The following ZNF277 variants were observed in gnomAD, a reference collection of about 807,000 sequenced individuals.
The protein encoded by ZNF277 is zinc finger protein 277.
Under a neutral mutation model 60.7 loss-of-function variants are expected in ZNF277, and 55 were observed. That is an observed-to-expected ratio of 0.91 (90% CI 0.73 to 1.13). ZNF277 has a LOEUF of 1.13. ZNF277 is among the 50% of genes most tolerant of loss of function. The pLI, the probability that ZNF277 is intolerant of heterozygous loss-of-function variation, is 0.00. For synonymous variants in ZNF277, 178 were observed against 179.3 expected, an observed-to-expected ratio of 0.99 and a Z score of 0.06; for missense variants, 510 against 523.0, an observed-to-expected ratio of 0.98 and a Z score of 0.24.
intron 4 of ZNF277, among the ~76,000 whole-genome samples, chr7:112,314,745 G>A (rs553926165): frequency 7.9e-5 from 12 of 152,196 alleles, no homozygotes; most frequent in African/African-American, 2.6e-4. Context: ...GCAGTGATCC[G>A]TGATCATGCC....
chr7:112,295,905 G>GC lies in ZNF277; in HGVS notation c.333dup (p.Ile112HisfsTer6). ...ATTGGAGGAAAAGGTTCACTGAACAGCCCATCACAGATTTTTGTAGTGTAA... is the reference window on the plus strand; with the variant it reads ...ATTGGAGGAAAAGGTTCACTGAACAGCCCCATCACAGATTTTTGTAGTGTAA... On this transcript the variant is annotated frameshift_variant, in exon 3 of 12. Transcript: ENST00000361822. LOFTEE classifies it high-confidence loss of function. The GC allele has an allele frequency of 6.2e-7, 1 of 1,612,980 alleles. No individual in the cohort carries two copies. Among genetic ancestry groups the GC allele is most frequent in the South Asian group, 1.1e-5 (1 of 91,036 alleles).
chr7:112,332,418 T>A (rs926392483), intron 7 of ZNF277, among the ~76,000 whole-genome samples: 7 of 152,336 alleles, frequency 4.6e-5, no homozygotes, highest in African/African-American at 1.7e-4. Context: ...ACTTATCCTG[T>A]GCATCAGTTT....
intron 9 of ZNF277, 82 bp from the exon 10 acceptor site, chr7:112,339,761 T>C: frequency 5.1e-6 from 7 of 1,370,260 alleles, no homozygotes; most frequent in Non-Finnish European, 7.2e-6. Flanking sequence ...CTACTCAAAC[T>C]CCTGTGAATA....
chr7:112,317,963 A>G (rs1340881700), intron 4 of ZNF277, among the ~76,000 whole-genome samples: 26 of 152,120 alleles, frequency 1.7e-4, no homozygotes. Context: ...TGTTGATTTT[A>G]ATTCCCACAT....
intron 1 of ZNF277, among the ~76,000 whole-genome samples, chr7:112,259,503 G>C (rs756886539): frequency 1.3e-5 from 2 of 152,140 alleles, no homozygotes; most frequent in Non-Finnish European, 2.9e-5. Context: ...TTTAATAGAG[G>C]ATGCCTTTTC....
chr7:112,231,212 C>CAA (rs11340888), intron 1 of ZNF277, among the ~76,000 whole-genome samples: 12 of 132,336 alleles, frequency 9.1e-5, no homozygotes, highest in Non-Finnish European at 1.2e-4. Flanking sequence ...GACTCCGTCT[C>CAA]AAAAAAAAAA....
In ZNF277 at chr7:112,337,180, G is replaced by C. The variant is rs569803614; in HGVS notation, c.870-550G>C. On this transcript the variant is annotated intron_variant, in intron 8 of 11. Transcript: ENST00000361822. ...TTCAAAAAGGGAAATGCCAAGGAGC[G>C]GGGAAAGTGGTAAAAGGGATCCTGT... Among the ~76,000 whole-genome samples the C allele has an allele frequency of 8.9e-4, 136 of 152,274 alleles. 1 individual carries two copies. The highest frequency in any genetic ancestry group is 3.0e-3 in the African/African-American group (126 of 41,558).
intron 1 of ZNF277, among the ~76,000 whole-genome samples, chr7:112,267,738 G>A (rs1323555800): frequency 1.3e-5 from 2 of 152,036 alleles, no homozygotes; most frequent in Non-Finnish European, 1.5e-5. Context: ...TTGAGGCTTC[G>A]GACCTGAGAG....
In ZNF277 at chr7:112,229,576, G is replaced by T. The variant is rs1391514900; in HGVS notation, c.91+22769G>T. Among the ~76,000 whole-genome samples the T allele has an allele frequency of 3.9e-5, 6 of 152,290 alleles. 1 individual carries two copies. Among genetic ancestry groups the T allele is most frequent in the Admixed American group, 3.9e-4 (6 of 15,302 alleles). ...AAAAGCATTTAGTAGAATCTCTCTA[G>T]TAATTGTCACACAGACAGTTTTCCC... On this transcript the variant is annotated intron_variant, in intron 1 of 11. Coordinates refer to ENST00000361822, the MANE Select transcript of ZNF277 (RefSeq NM_021994.3).
intron 11 of ZNF277, among the ~76,000 whole-genome samples, chr7:112,341,967 C>G (rs1793453724): frequency 6.6e-6 from 1 of 151,730 alleles, no homozygotes; most frequent in East Asian, 1.9e-4. Flanking sequence ...GAGAAGGAAC[C>G]AGAATAACAA....
chr7:112,305,382 G>T (rs990727597), intron 4 of ZNF277, among the ~76,000 whole-genome samples: 1 of 151,934 alleles, frequency 6.6e-6, no homozygotes, highest in Non-Finnish European at 1.5e-5. Context: ...TAGCTGAAAT[G>T]ATTTAGGAAA....
At chr7:112,342,430 T>C in intron 11 of ZNF277, 131 bp from the exon 12 acceptor site, 1 of 680,034 alleles carries the variant, frequency 1.5e-6, no homozygotes, top group Non-Finnish European at 2.2e-6. Context: ...GTCTCCAGTA[T>C]AGCCTTTGCA....
intron 1 of ZNF277, among the ~76,000 whole-genome samples, chr7:112,208,673 G>GTTTTTTTTTT (rs1407981050): frequency 1.8e-5 from 1 of 56,816 alleles, no homozygotes; most frequent in Admixed American, 2.2e-4. Context: ...TGTATGATTT[G>GTTTTTTTTTT]ATTTTTTTTT....
intron 8 of ZNF277, 53 bp from the exon 9 acceptor site, chr7:112,337,677 T>G: frequency 6.7e-7 from 1 of 1,503,642 alleles, no homozygotes; most frequent in Non-Finnish European, 9.2e-7. Flanking sequence ...CTGTGTAGTA[T>G]ACTCTCTTAA....
At chr7:112,317,769 G>A (rs1792874001) in intron 4 of ZNF277, among the ~76,000 whole-genome samples, 1 of 151,982 alleles carries the variant, frequency 6.6e-6, no homozygotes, top group Admixed American at 6.6e-5. Context: ...GTGACCTTGG[G>A]AATGGTAGAG....
chr7:112,256,423 T>TG lies in ZNF277; in HGVS notation c.92-30450_92-30449insG, dbSNP rs1220211785. Among the ~76,000 whole-genome samples the TG allele has an allele frequency of 4.8e-5, 5 of 104,516 alleles. No homozygotes were observed. The East Asian group carries it at 1.0e-3, about 22-fold the overall frequency. The allele number at this position is 104,516 out of a possible 152,430, so 68.6% of individuals were successfully genotyped here. The stretch of plus-strand genomic sequence containing the variant: ...GTCCATTAATTAACTTCTTTGGAGT[T>TG]TTTTTTTTTTTTTTTTTTTTTTTTG... On this transcript the variant is annotated intron_variant, in intron 1 of 11. Transcript: ENST00000361822.
chr7:112,339,349 C>T (rs926516893), intron 9 of ZNF277, among the ~76,000 whole-genome samples: 3 of 152,134 alleles, frequency 2.0e-5, no homozygotes, highest in Admixed American at 2.0e-4. Context: ...TATGGAGTCT[C>T]GCTGTGTCAC....
intron 6 of ZNF277, among the ~76,000 whole-genome samples, chr7:112,329,088 A>G (rs1451877459): frequency 6.6e-6 from 1 of 152,194 alleles, no homozygotes; most frequent in Non-Finnish European, 1.5e-5. Flanking sequence ...GTCAACTATA[A>G]AAGAATATAC....
At chr7:112,297,133 T>G (rs556107156) in intron 4 of ZNF277, among the ~76,000 whole-genome samples, 3 of 151,396 alleles carry the variant, frequency 2.0e-5, no homozygotes, top group Non-Finnish European at 4.4e-5. Flanking sequence ...TTCACCGTAT[T>G]AGCAAGGATG....
Sources: allele counts gnomAD v4.1 joint callset (sites outside exome capture counted in the v4.1 genomes callset), GRCh38; gene constraint gnomAD v4.1.1; transcripts MANE v1.5; gene names NCBI Gene and HGNC (gene_info 2026-07-23, HGNC 2026-07-21).